The following RORA variants were observed in gnomAD, a reference collection of about 807,000 sequenced individuals.
RORA encodes the protein RAR related orphan receptor A.
Under a neutral mutation model 69.5 loss-of-function variants are expected in RORA, and 7 were observed. The ratio of observed to expected loss-of-function variants is 0.10; its 90% CI spans 0.06 to 0.19. The LOEUF is 0.19. Among genes scored for constraint, RORA ranks in the 10% least tolerant of loss-of-function variants. The probability of loss-of-function intolerance (pLI) is 1.00; values close to 1 mark genes in which losing one functional copy is unlikely to be tolerated. For missense variants in RORA, 457 were observed against 663.0 expected, an observed-to-expected ratio of 0.69 and a Z score of 3.41; for synonymous variants, 261 against 240.8, an observed-to-expected ratio of 1.08 and a Z score of -0.78.
chr15:60,973,340 G>T (rs1305275152), intron 1 of RORA, among the ~76,000 whole-genome samples: 2 of 152,148 alleles, frequency 1.3e-5, no homozygotes, highest in Non-Finnish European at 2.9e-5. Context: ...GGGTGGATGA[G>T]CAGTATTTAA....
intron 1 of RORA, among the ~76,000 whole-genome samples, chr15:61,188,522 C>T (rs17204952): frequency 0.16 from 24,747 of 152,148 alleles, 2,091 homozygotes; most frequent in Admixed American, 0.21. Context: ...CTGTCTTCAT[C>T]ACAACAGCAC....
intron 1 of RORA, among the ~76,000 whole-genome samples, chr15:61,221,927 C>T (rs1253320977): frequency 1.4e-5 from 2 of 148,062 alleles, no homozygotes; most frequent in Non-Finnish European, 3.0e-5. Context: ...AAGCCTGAGG[C>T]GGGAGGATCC....
rs552860233 is a variant in RORA, at chr15:60,704,021, G to A, written c.167-25335C>T. On this transcript the variant is annotated intron_variant, in intron 1 of 10. Transcript: ENST00000335670. ...GTGAGTATTGTTTTACTTTTATGAC[G>A]GGTACAATAAAATGAACTTGATTTT... Among the ~76,000 whole-genome samples the A allele has an allele frequency of 1.4e-3, 209 of 151,972 alleles. 1 individual carries two copies. The highest frequency in any genetic ancestry group is 4.6e-3 in the African/African-American group (189 of 41,424).
chr15:61,089,447 C>T (rs1329040877), intron 1 of RORA, among the ~76,000 whole-genome samples: 1 of 152,190 alleles, frequency 6.6e-6, no homozygotes, highest in East Asian at 1.9e-4. Context: ...TACATGCACA[C>T]AAACATGCAT....
chr15:61,099,073 G>A (rs2078840481), intron 1 of RORA, among the ~76,000 whole-genome samples: 1 of 152,154 alleles, frequency 6.6e-6, no homozygotes, highest in Non-Finnish European at 1.5e-5. Context: ...TTACCTAGAA[G>A]GAGTAATTAG....
intron 1 of RORA, among the ~76,000 whole-genome samples, chr15:61,103,807 C>G (rs1047195114): frequency 1.3e-5 from 2 of 152,008 alleles, no homozygotes; most frequent in Non-Finnish European, 2.9e-5. Flanking sequence ...CCCACCCCGT[C>G]CATTTACACA....
At chr15:61,126,154 C>A (rs1312775019) in intron 1 of RORA, among the ~76,000 whole-genome samples, 1 of 152,228 alleles carries the variant, frequency 6.6e-6, no homozygotes, top group Non-Finnish European at 1.5e-5. Context: ...GACAGCCAGA[C>A]ATAGAGTCTC....
At chr15:61,192,530 G>A (rs1012276448) in intron 1 of RORA, among the ~76,000 whole-genome samples, 1 of 152,290 alleles carries the variant, frequency 6.6e-6, no homozygotes, top group Non-Finnish European at 1.5e-5. Context: ...GCTCAGCACT[G>A]GGCTCTGCCT....
At chr15:60,644,085 G>A (rs1190753559) in intron 2 of RORA, among the ~76,000 whole-genome samples, 1 of 152,118 alleles carries the variant, frequency 6.6e-6, no homozygotes, top group African/African-American at 2.4e-5. Flanking sequence ...TTTCCATGTT[G>A]CCTTGAAAAA....
chr15:61,189,856 CAA>C (rs71125907), intron 1 of RORA, among the ~76,000 whole-genome samples: 27 of 42,892 alleles, frequency 6.3e-4, no homozygotes, highest in African/African-American at 3.0e-3. Context: ...GACTCTGTCT[CAA>C]AAAAAAAAAA....
intron 1 of RORA, among the ~76,000 whole-genome samples, chr15:61,101,524 AG>A (rs1437331795): frequency 6.6e-6 from 1 of 152,118 alleles, no homozygotes; most frequent in Non-Finnish European, 1.5e-5. Flanking sequence ...AGCAGCAGGA[AG>A]GGTAAACTGG....
chr15:61,045,105 T>A (rs947567760), intron 1 of RORA, among the ~76,000 whole-genome samples: 2 of 152,136 alleles, frequency 1.3e-5, no homozygotes, highest in South Asian at 2.1e-4. Context: ...TCCACCCACA[T>A]CTCATCTTGA....
At chr15:60,523,981 A>AGAAT (rs1356074500) in intron 3 of RORA, among the ~76,000 whole-genome samples, 1 of 152,206 alleles carries the variant, frequency 6.6e-6, no homozygotes, top group African/African-American at 2.4e-5. Context: ...GACCTAGAAG[A>AGAAT]GAATGACCCA....
At chr15:60,588,635 G>A (rs2068408105) in intron 2 of RORA, among the ~76,000 whole-genome samples, 1 of 152,072 alleles carries the variant, frequency 6.6e-6, no homozygotes, top group Non-Finnish European at 1.5e-5. Context: ...TGAGTGGGAG[G>A]GAAAGATAGG....
At chr15:60,779,530 G>A (rs1567188037) in intron 1 of RORA, among the ~76,000 whole-genome samples, 1 of 152,314 alleles carries the variant, frequency 6.6e-6, no homozygotes, top group East Asian at 1.9e-4. Flanking sequence ...AATAGGAGCA[G>A]GAAGCACCAT....
intron 2 of RORA, among the ~76,000 whole-genome samples, chr15:60,532,316 TAATC>T (rs2066548339): frequency 1.5e-5 from 1 of 68,464 alleles, no homozygotes; most frequent in Admixed American, 1.8e-4. Context: ...TTCAAAATAT[TAATC>T]AGTTACATAT....
chr15:60,498,873 A>C (rs569508925), intron 10 of RORA, among the ~76,000 whole-genome samples: 50 of 151,364 alleles, frequency 3.3e-4, no homozygotes, highest in Middle Eastern at 6.8e-3. Context: ...AAAAAAAAAA[A>C]CAAGCAAACA....
At chr15:61,046,096 G>A (rs1015110718) in intron 1 of RORA, among the ~76,000 whole-genome samples, 1 of 152,188 alleles carries the variant, frequency 6.6e-6, no homozygotes, top group Non-Finnish European at 1.5e-5. Flanking sequence ...AAAAGGGGAG[G>A]AAGTGAGAGG....
intron 2 of RORA, among the ~76,000 whole-genome samples, chr15:60,632,447 G>A (rs1338874803): frequency 6.6e-6 from 1 of 152,138 alleles, no homozygotes; most frequent in Non-Finnish European, 1.5e-5. Context: ...ATAGACTTAG[G>A]TGTAGGTTGG....
Sources: allele counts gnomAD v4.1 joint callset (sites outside exome capture counted in the v4.1 genomes callset), GRCh38; gene constraint gnomAD v4.1.1; transcripts MANE v1.5; gene names NCBI Gene and HGNC (gene_info 2026-07-23, HGNC 2026-07-21).